The following ARHGAP10 variants were observed in gnomAD, a reference collection of about 807,000 sequenced individuals.
ARHGAP10 encodes the protein Rho GTPase activating protein 10.
ARHGAP10 carries 87 observed loss-of-function variants against 108.6 expected under a neutral mutation model. The ratio of observed to expected loss-of-function variants is 0.80; its 90% CI spans 0.67 to 0.96. The LOEUF (loss-of-function observed/expected upper bound fraction) is 0.96. Ranked by LOEUF, ARHGAP10 falls within the 40% of genes least tolerant of loss-of-function variation. The pLI, the probability that ARHGAP10 is intolerant of heterozygous loss-of-function variation, is 0.00. For synonymous variants in ARHGAP10, 347 were observed against 341.1 expected (o/e 1.02, Z -0.19); for missense variants, 939 against 954.5 (o/e 0.98, Z 0.21).
intron 19 of ARHGAP10, among the ~76,000 whole-genome samples, chr4:148,031,045 C>T (rs558079653): frequency 1.1e-4 from 17 of 152,094 alleles, no homozygotes; most frequent in African/African-American, 3.6e-4. Flanking sequence ...GGTGACAGAT[C>T]AAGACCCCAT....
chr4:147,746,367 G>T (rs1318704293), intron 1 of ARHGAP10, among the ~76,000 whole-genome samples: 2 of 150,254 alleles, frequency 1.3e-5, no homozygotes, highest in African/African-American at 2.4e-5. Flanking sequence ...CTCCCAAAGT[G>T]CTGGAGTTAC....
chr4:147,906,008 A>G (rs929093794), intron 10 of ARHGAP10, among the ~76,000 whole-genome samples: 17 of 152,130 alleles, frequency 1.1e-4, no homozygotes, highest in Admixed American at 1.0e-3. Context: ...GTGAATGGGA[A>G]TTCACTCATG....
At chr4:147,959,219 A>T (rs1205969134) in intron 16 of ARHGAP10, among the ~76,000 whole-genome samples, 1 of 152,108 alleles carries the variant, frequency 6.6e-6, no homozygotes, top group Non-Finnish European at 1.5e-5. Flanking sequence ...GGTTTTATTT[A>T]AAAAGCCCAG....
chr4:148,023,505 G>C, intron 19 of ARHGAP10, 92 bp downstream of exon 19: 1 of 1,314,126 alleles, frequency 7.6e-7, no homozygotes. Flanking sequence ...TCTGTCATCT[G>C]TGTTTTAATT....
chr4:147,743,913 C>A (rs1041968789), intron 1 of ARHGAP10, among the ~76,000 whole-genome samples: 1 of 151,908 alleles, frequency 6.6e-6, no homozygotes, highest in African/African-American at 2.4e-5. Context: ...GTTTGCTAGG[C>A]GTAGAAAAAA....
intron 18 of ARHGAP10, among the ~76,000 whole-genome samples, chr4:148,001,218 C>T (rs4835475): frequency 0.75 from 113,862 of 152,072 alleles, 42,969 homozygotes; most frequent in East Asian, 0.86. Context: ...AAAGATCATA[C>T]GGTTGTAGAT....
intron 3 of ARHGAP10, among the ~76,000 whole-genome samples, chr4:147,841,231 G>A (rs1181286831): frequency 6.6e-6 from 1 of 152,246 alleles, no homozygotes; most frequent in Non-Finnish European, 1.5e-5. Flanking sequence ...TTGTTTCCAA[G>A]CAGAGCTATC....
chr4:147,960,577 A>G (rs1738953107), intron 16 of ARHGAP10, among the ~76,000 whole-genome samples: 1 of 152,234 alleles, frequency 6.6e-6, no homozygotes, highest in Admixed American at 6.5e-5. Context: ...AAAATTTACC[A>G]GTTTATTTTA....
chr4:148,062,187 G>A (rs373929197), intron 20 of ARHGAP10, among the ~76,000 whole-genome samples: 1 of 152,194 alleles, frequency 6.6e-6, no homozygotes, highest in Admixed American at 6.5e-5. Context: ...GAGTGTCACC[G>A]TGTTGGAGGA....
chr4:147,796,385 AAGG>A (rs902869493), intron 1 of ARHGAP10, among the ~76,000 whole-genome samples: 8 of 152,094 alleles, frequency 5.3e-5, no homozygotes, highest in African/African-American at 1.7e-4. Flanking sequence ...AGCGTAGTGG[AAGG>A]AGACACCTGG....
intron 13 of ARHGAP10, among the ~76,000 whole-genome samples, chr4:147,938,365 A>C (rs1462984406): frequency 1.3e-5 from 2 of 152,204 alleles, no homozygotes; most frequent in East Asian, 3.8e-4. Flanking sequence ...TGAACTTAAA[A>C]GTTAAAAAAA....
At chr4:147,822,228 T>C (rs746689845) in intron 1 of ARHGAP10, among the ~76,000 whole-genome samples, 1 of 152,248 alleles carries the variant, frequency 6.6e-6, no homozygotes, top group Admixed American at 6.5e-5. Context: ...TTTTTGAATC[T>C]TCTGGGTTTC....
chr4:147,960,831 A>G (rs1334613118), intron 16 of ARHGAP10, among the ~76,000 whole-genome samples: 1 of 152,200 alleles, frequency 6.6e-6, no homozygotes, highest in African/African-American at 2.4e-5. Context: ...GAATCAGAGT[A>G]TATTCTTCTG....
chr4:147,893,112 G>A (rs968705577), intron 10 of ARHGAP10, among the ~76,000 whole-genome samples: 5 of 152,032 alleles, frequency 3.3e-5, no homozygotes, highest in South Asian at 4.1e-4. Context: ...AGGCTGGAGC[G>A]CAGTGGCGTG....
intron 3 of ARHGAP10, among the ~76,000 whole-genome samples, chr4:147,829,928 G>A (rs903199718): frequency 6.6e-6 from 1 of 152,186 alleles, no homozygotes; most frequent in Admixed American, 6.5e-5. Flanking sequence ...GAAAACTGCG[G>A]GGAAGCGGGA....
intron 18 of ARHGAP10, among the ~76,000 whole-genome samples, chr4:147,971,880 G>A (rs946881818): frequency 2.6e-5 from 4 of 152,122 alleles, no homozygotes; most frequent in Non-Finnish European, 4.4e-5. Context: ...TGGCATAGTC[G>A]AAGGGCATGG....
intron 13 of ARHGAP10, among the ~76,000 whole-genome samples, chr4:147,918,370 C>G (rs903806437): frequency 6.6e-6 from 1 of 152,040 alleles, no homozygotes; most frequent in Non-Finnish European, 1.5e-5. Flanking sequence ...CTCCTGACCT[C>G]GTGATCCACC....
intron 16 of ARHGAP10, among the ~76,000 whole-genome samples, chr4:147,962,894 C>T (rs1739053562): frequency 6.6e-6 from 1 of 152,168 alleles, no homozygotes; most frequent in East Asian, 1.9e-4. Context: ...CTCCTGACCT[C>T]AAGGGATCTG....
At chr4:147,825,826 A>T (rs140820770) in intron 3 of ARHGAP10, among the ~76,000 whole-genome samples, 21 of 152,268 alleles carry the variant, frequency 1.4e-4, no homozygotes, top group Non-Finnish European at 2.4e-4. Flanking sequence ...CATCCTGAAC[A>T]TTGAGCGCAT....
Sources: allele counts gnomAD v4.1 joint callset (sites outside exome capture counted in the v4.1 genomes callset), GRCh38; gene constraint gnomAD v4.1.1; transcripts MANE v1.5; gene names NCBI Gene and HGNC (gene_info 2026-07-23, HGNC 2026-07-21).